Variants in STAT1 observed in about 807,000 individuals in gnomAD.
STAT1 encodes the protein signal transducer and activator of transcription 1, also known as signal transducer and activator of transcription 1-alpha/beta.
Under a neutral mutation model 111.7 loss-of-function variants are expected in STAT1, and 24 were observed. The ratio of observed to expected loss-of-function variants is 0.21; its 90% CI spans 0.16 to 0.30. STAT1 has a LOEUF of 0.30. STAT1 is among the 10% of genes least tolerant of loss of function. The probability of loss-of-function intolerance (pLI) is 1.00; values close to 1 mark genes in which losing one functional copy is unlikely to be tolerated. For missense variants in STAT1, 351 were observed against 911.9 expected (o/e 0.38, Z 7.92); for synonymous variants, 332 against 326.5 (o/e 1.02, Z -0.18).
intron 12 of STAT1, among the ~76,000 whole-genome samples, chr2:190,988,600 A>C (rs1693060108): frequency 6.6e-6 from 1 of 152,162 alleles, no homozygotes; most frequent in Non-Finnish European, 1.5e-5. Flanking sequence ...GGCCGGTCTC[A>C]AACTCTGGCT....
chr2:190,984,468 A>T lies in STAT1; in HGVS notation c.1264-75T>A, dbSNP rs999190343. The T allele has an allele frequency of 7.8e-7, 1 of 1,281,644 alleles. No homozygotes were observed. Among genetic ancestry groups the T allele is most frequent in the Non-Finnish European group, 1.1e-6 (1 of 888,724 alleles). The allele number at this position is 1,281,644 out of a possible 1,614,324, so 79.4% of individuals were successfully genotyped here. ...TAAAACTTTCAAAAGCCCAATTAAC[A>T]TTGCAACAGGCCACAGAGATCCTGG... On this transcript the variant is annotated intron_variant, in intron 15 of 24. Coordinates refer to ENST00000361099, the MANE Select transcript of STAT1 (RefSeq NM_007315.4). The surrounding 1 kb of genome is among the most constrained non-coding windows in gnomAD (Gnocchi z 5.2).
At position 190,987,975 on chromosome 2, in the gene STAT1, G is replaced by A. The variant is rs563698668; in HGVS notation, c.1098-907C>T. Among the ~76,000 whole-genome samples the A allele has an allele frequency of 3.3e-5, 5 of 152,340 alleles. No homozygotes were observed. The highest frequency in any genetic ancestry group is 2.1e-4 in the South Asian group (1 of 4,828). On this transcript the variant is annotated intron_variant, in intron 12 of 24. Transcript: ENST00000361099. The surrounding 1 kb of genome is among the most constrained non-coding windows in gnomAD (Gnocchi z 4.0). ...ACCGACAGAAAAGACACAAGGGCCC[G>A]AAGCAGCTGAGAGGAGCTGAGCTGA...
Position 190,995,845 on chromosome 2 carries a change from G to A in STAT1, c.786-626C>T, listed in dbSNP as rs1290089404. Among the ~76,000 whole-genome samples the A allele has an allele frequency of 6.6e-6, 1 of 152,198 alleles. No individual in the cohort carries two copies. The highest frequency in any genetic ancestry group is 2.4e-5 in the African/African-American group (1 of 41,456). On this transcript the variant is annotated intron_variant, in intron 9 of 24. Transcript: ENST00000361099. This position sits in a 1 kb window ranked among gnomAD's most constrained non-coding sequence, Gnocchi z 4.2. ...TACACACCACTGAGGCCTATGTGAG[G>A]AGAGATGGGTGGAGGCAGGGCTTCT...
At position 190,982,885 on chromosome 2, in the gene STAT1, A is replaced by G. The variant is rs1167440090; in HGVS notation, c.1447-367T>C. ...TCCTGTTTCACCTCTCATAAGAAAA[A>G]CGTGTCCTTTTTGAAGCCTATTTAG... is the stretch of plus-strand genomic sequence containing the variant. On this transcript the variant is annotated intron_variant, in intron 17 of 24. Transcript: ENST00000361099. This position sits in a 1 kb window ranked among gnomAD's most constrained non-coding sequence, Gnocchi z 7.3. 6.6e-6 allele frequency among the ~76,000 whole-genome samples: 1 copy of G among 152,120 alleles called. No individual in the cohort carries two copies. The highest frequency in any genetic ancestry group is 1.9e-4 in the East Asian group (1 of 5,196).
chr2:190,988,594 G>A (rs965278977), intron 12 of STAT1, among the ~76,000 whole-genome samples: 4 of 152,082 alleles, frequency 2.6e-5, no homozygotes, highest in South Asian at 2.1e-4. Context: ...TGGCCAGGCC[G>A]GTCTCAAACT....
chr2:190,991,412 G>A (rs1472946173), intron 10 of STAT1, 92 bp from the exon 11 acceptor site: 9 of 1,138,456 alleles, frequency 7.9e-6, no homozygotes, highest in East Asian at 7.3e-5. Flanking sequence ...AAGGGGGTTA[G>A]AGAGTACGAT....
At position 191,003,060 on chromosome 2, in the gene STAT1, T is replaced by G. The variant is rs77535162; in HGVS notation, c.373-1897A>C. ...AATATCTTATTGAGGACTTTTATAT[T>G]GATACTCATAAGTAAAATTGGTCCA... On this transcript the variant is annotated intron_variant, in intron 5 of 24. Transcript: ENST00000361099. This position sits in a 1 kb window ranked among gnomAD's most constrained non-coding sequence, Gnocchi z 4.0. Among the ~76,000 whole-genome samples, 1 of 152,240 alleles carries G rather than the reference T, an allele frequency of 6.6e-6. No homozygotes were observed. Among genetic ancestry groups the G allele is most frequent in the African/African-American group, 2.4e-5 (1 of 41,468 alleles).
intron 5 of STAT1, among the ~76,000 whole-genome samples, chr2:191,005,694 T>G (rs990345639): frequency 1.3e-5 from 2 of 152,190 alleles, no homozygotes; most frequent in African/African-American, 4.8e-5. Flanking sequence ...TCTGTGTCAT[T>G]AAGTGATGCA....
rs1914408 is a variant in STAT1 at position 190,975,250 on chromosome 2, C to T, written c.2136-318G>A. 0.21 allele frequency: 96,129 copies of T among 455,736 alleles called. 10,856 individuals carry two copies. The highest frequency in any genetic ancestry group is 0.32 in the East Asian group (5,134 of 15,964). 28.2% of individuals were successfully genotyped at this position (455,736 alleles called of 1,614,324 possible). A position where few individuals can be genotyped will look rare whatever the true frequency, so the allele number is the denominator to read the frequency against. ...GCACTACCCTGAGATGACAATGCCT[C>T]GTGGCTTACCCTGGACAGAAAAGCA... On this transcript the variant is annotated intron_variant, in intron 23 of 24. Transcript: ENST00000361099. This position sits in a 1 kb window ranked among gnomAD's most constrained non-coding sequence, Gnocchi z 5.9.
rs397840071 is a variant in STAT1, at chr2:190,975,626, C to CTTTTTTTTTT, written c.2135+176_2135+185dup. On this transcript the variant is annotated intron_variant, in intron 23 of 24. Coordinates refer to ENST00000361099, the MANE Select transcript of STAT1 (RefSeq NM_007315.4). The surrounding 1 kb of genome is among the most constrained non-coding windows in gnomAD (Gnocchi z 5.9). ...CCTTAAATACAAATTTGGTTTTTGG[C>CTTTTTTTTTT]TTTTTTTTTTTTTTTAAAGTAGTAA... The CTTTTTTTTTT allele has an allele frequency of 1.5e-6, 2 of 1,308,296 alleles. No individual in the cohort carries two copies. Among genetic ancestry groups the CTTTTTTTTTT allele is most frequent in the Non-Finnish European group, 2.0e-6 (2 of 1,007,754 alleles). The allele number at this position is 1,308,296 out of a possible 1,614,324, so 81.0% of individuals were successfully genotyped here.
rs945056052 is a variant in STAT1, at chr2:191,004,456, G to A, written c.372+3107C>T. 6.6e-6 allele frequency among the ~76,000 whole-genome samples: 1 copy of A among 152,186 alleles called. No individual in the cohort carries two copies. Among genetic ancestry groups the A allele is most frequent in the South Asian group, 2.1e-4 (1 of 4,836 alleles). ...TCCAATGGAGTGAGCAGTTGTCCAA[G>A]TAAGGGAATAGGCACTCCATGGGTG... On this transcript the variant is annotated intron_variant, in intron 5 of 24. Transcript: ENST00000361099. This position sits in a 1 kb window ranked among gnomAD's most constrained non-coding sequence, Gnocchi z 5.0.
intron 24 of STAT1, among the ~76,000 whole-genome samples, chr2:190,972,852 T>A (rs1023730141): frequency 1.2e-4 from 17 of 142,346 alleles, no homozygotes; most frequent in Non-Finnish European, 1.8e-4. Context: ...TGTGTGTGTG[T>A]GAAATGGATT....
intron 24 of STAT1, among the ~76,000 whole-genome samples, chr2:190,972,268 T>A (rs538236741): frequency 6.6e-6 from 1 of 152,222 alleles, no homozygotes; most frequent in East Asian, 1.9e-4. Flanking sequence ...CAGAAAGTAG[T>A]AGACAATTAA....
At position 191,004,332 on chromosome 2, in the gene STAT1, G is replaced by A. The variant is rs1487865278; in HGVS notation, c.373-3169C>T. ...GGCTGTCATTGACTCTTACTTTCTC[G>A]TTTCACTACTGTACCTCTAGAGACC... is the stretch of plus-strand genomic sequence containing the variant. On this transcript the variant is annotated intron_variant, in intron 5 of 24. Coordinates refer to ENST00000361099, the MANE Select transcript of STAT1 (RefSeq NM_007315.4). The surrounding 1 kb of genome is among the most constrained non-coding windows in gnomAD (Gnocchi z 5.0). Among the ~76,000 whole-genome samples the A allele has an allele frequency of 6.6e-6, 1 of 152,154 alleles. No individual in the cohort carries two copies. The highest frequency in any genetic ancestry group is 1.5e-5 in the Non-Finnish European group (1 of 68,040).
In STAT1 at chr2:190,986,474, A is replaced by G. The variant is rs41366946; in HGVS notation, c.1221+380T>C. 0.02 allele frequency among the ~76,000 whole-genome samples: 3,080 copies of G among 152,314 alleles called. 88 individuals carry two copies. The highest frequency in any genetic ancestry group is 0.13 in the East Asian group (694 of 5,180). On this transcript the variant is annotated intron_variant, in intron 14 of 24. Coordinates refer to ENST00000361099, the MANE Select transcript of STAT1 (RefSeq NM_007315.4). This position sits in a 1 kb window ranked among gnomAD's most constrained non-coding sequence, Gnocchi z 5.0. Reference sequence around the variant, plus strand: ...ACCAGGAAGGGGAACACGGGGGCTGAGGAGTGAACCCTGGTGTACAGGACC... The same window carrying G: ...ACCAGGAAGGGGAACACGGGGGCTGGGGAGTGAACCCTGGTGTACAGGACC...
intron 2 of STAT1, among the ~76,000 whole-genome samples, chr2:191,011,604 G>A (rs776445381): frequency 3.9e-5 from 6 of 152,100 alleles, no homozygotes; most frequent in Admixed American, 2.0e-4. Flanking sequence ...ATCTTACCTC[G>A]AATTGTAATA....
In STAT1 at chr2:190,997,834, T is replaced by C; in HGVS notation, c.785+22A>G. 1 of 1,614,110 alleles carries C rather than the reference T, an allele frequency of 6.2e-7. No homozygotes were observed. The highest frequency in any genetic ancestry group is 8.5e-7 in the Non-Finnish European group (1 of 1,180,034). On this transcript the variant is annotated intron_variant, in intron 9 of 24. Transcript: ENST00000361099. The surrounding 1 kb of genome is among the most constrained non-coding windows in gnomAD (Gnocchi z 7.3). ...TGTGGTTAGCCAGTCAGCTGCCAGT[T>C]TTCTGCTTTGGAGAATCTTACCAGT...
In STAT1 at chr2:190,978,659, A is replaced by C; in HGVS notation, c.1873+197T>G. The C allele has an allele frequency of 1.4e-6, 1 of 696,354 alleles. No homozygotes were observed. Among genetic ancestry groups the C allele is most frequent in the Non-Finnish European group, 2.4e-6 (1 of 408,464 alleles). The allele number at this position is 696,354 out of a possible 1,614,324, so 43.1% of individuals were successfully genotyped here. On this transcript the variant is annotated intron_variant, in intron 21 of 24. Transcript: ENST00000361099. This position sits in a 1 kb window ranked among gnomAD's most constrained non-coding sequence, Gnocchi z 6.1. ...TCTTTTCAAAACCATCATTTCCACA[A>C]TATGTTCCAGAGAGTGAACCACAAC...
chr2:191,002,484 G>A (rs916706960), intron 5 of STAT1, among the ~76,000 whole-genome samples: 18 of 152,068 alleles, frequency 1.2e-4, no homozygotes, highest in African/African-American at 3.9e-4. Context: ...AAGTTGCCTC[G>A]CTACTCTTGC....
Sources: gnomAD v4.1 joint callset for allele counts (sites outside exome capture counted in the v4.1 genomes callset) on GRCh38, gnomAD v4.1.1 for gene constraint, Gnocchi (gnomAD v3.1) non-coding constraint, MANE v1.5 for transcripts, NCBI Gene and HGNC (gene_info 2026-07-23, HGNC 2026-07-21) for gene names.